Variants in MED13L observed in about 807,000 individuals in gnomAD.
The protein encoded by MED13L is mediator of RNA polymerase II transcription subunit 13-like.
MED13L carries 7 observed loss-of-function variants against 220.9 expected under a neutral mutation model. The ratio of observed to expected loss-of-function variants is 0.03; its 90% CI spans 0.02 to 0.06. The LOEUF (loss-of-function observed/expected upper bound fraction) is 0.06, where lower values mean the gene tolerates loss of function less well. MED13L is among the 10% of genes least tolerant of loss of function. The pLI, the probability that MED13L is intolerant of heterozygous loss-of-function variation, is 1.00. For missense variants in MED13L, 1,965 were observed against 2,760.5 expected (o/e 0.71, Z 6.46); for synonymous variants, 1,011 against 1,015.2 (o/e 1.00, Z 0.08).
chr12:116,213,546 G>T (rs752575005), intron 2 of MED13L, among the ~76,000 whole-genome samples: 3 of 152,066 alleles, frequency 2.0e-5, no homozygotes, highest in Non-Finnish European at 4.4e-5. Flanking sequence ...AAGTAGCTGG[G>T]ATTGCAACAG....
chr12:116,259,069 T>A (rs374380406), intron 1 of MED13L, among the ~76,000 whole-genome samples: 1 of 152,092 alleles, frequency 6.6e-6, no homozygotes, highest in Admixed American at 6.5e-5. Context: ...CCAATTTTAA[T>A]GTATAACTGT....
At chr12:115,986,907 C>T (rs1877727927) in intron 18 of MED13L, among the ~76,000 whole-genome samples, 1 of 152,164 alleles carries the variant, frequency 6.6e-6, no homozygotes, top group Admixed American at 6.5e-5. Context: ...AGCTTCCTCA[C>T]TGACCTGGAT....
At chr12:116,239,857 G>A (rs1313846368) in intron 1 of MED13L, among the ~76,000 whole-genome samples, 1 of 152,138 alleles carries the variant, frequency 6.6e-6, no homozygotes, top group African/African-American at 2.4e-5. Context: ...CATAGTCCTT[G>A]TTCTGCTAGG....
chr12:115,971,327 G>C (rs528049231), intron 26 of MED13L, among the ~76,000 whole-genome samples: 1 of 152,206 alleles, frequency 6.6e-6, no homozygotes, highest in Admixed American at 6.5e-5. Context: ...CGGCAACAGA[G>C]GTAACCTATA....
chr12:116,015,226 T>C lies in MED13L; in HGVS notation c.1058A>G (p.Asp353Gly). The stretch of plus-strand genomic sequence containing the variant: ...ACTGTGCATCGTTATCATCCCTCCA[T>C]CTTGGGAAACCAGGTGACTGGCAGC... ...QSAASHLVSQDGGMITMHSPK... is the reference protein window; with the variant it reads ...QSAASHLVSQGGGMITMHSPK... Residue 353 changes from aspartate (D) to glycine (G), a missense_variant, in exon 8 of 31, where the codon GAT becomes GGT. This residue lies in a region of MED13L where 818 missense variants were observed against 1,041.2 expected (regional missense o/e 0.79). Transcript: ENST00000281928. 1 of 1,613,932 alleles carries C rather than the reference T, an allele frequency of 6.2e-7. No individual in the cohort carries two copies. The highest frequency in any genetic ancestry group is 8.5e-7 in the Non-Finnish European group (1 of 1,179,892).
At chr12:116,230,793 T>C (rs1869485942) in intron 2 of MED13L, among the ~76,000 whole-genome samples, 1 of 152,222 alleles carries the variant, frequency 6.6e-6, no homozygotes, top group Admixed American at 6.5e-5. Context: ...AATAAATTCA[T>C]GTATAATACC....
chr12:116,227,622 T>C (rs1245581746), intron 2 of MED13L, among the ~76,000 whole-genome samples: 1 of 152,192 alleles, frequency 6.6e-6, no homozygotes, highest in Non-Finnish European at 1.5e-5. Flanking sequence ...CACACCCATA[T>C]AAAACAGCAG....
At chr12:116,254,293 C>A (rs1871843217) in intron 1 of MED13L, among the ~76,000 whole-genome samples, 1 of 151,932 alleles carries the variant, frequency 6.6e-6, no homozygotes, top group South Asian at 2.1e-4. Context: ...GATATAAACC[C>A]ATCTATAATT....
At chr12:116,189,805 G>T (rs1366198353) in intron 2 of MED13L, among the ~76,000 whole-genome samples, 4 of 152,108 alleles carry the variant, frequency 2.6e-5, no homozygotes, top group African/African-American at 9.7e-5. Context: ...ATTATAAATG[G>T]TTCTGTATTT....
intron 5 of MED13L, among the ~76,000 whole-genome samples, chr12:116,021,885 A>G (rs1880082661): frequency 6.6e-6 from 1 of 152,208 alleles, no homozygotes. Context: ...TAGGTGGTAA[A>G]GCTGAGAATT....
At chr12:116,081,086 G>A (rs946710503) in intron 4 of MED13L, among the ~76,000 whole-genome samples, 6 of 152,176 alleles carry the variant, frequency 3.9e-5, no homozygotes, top group African/African-American at 1.2e-4. Flanking sequence ...GTGGATAGTA[G>A]AAACAGTTTC....
chr12:115,989,362 C>T (rs552568818), intron 17 of MED13L, among the ~76,000 whole-genome samples: 6 of 152,156 alleles, frequency 3.9e-5, no homozygotes, highest in Non-Finnish European at 7.4e-5. Flanking sequence ...ACTGGCTACC[C>T]CTGGCTTCCA....
intron 13 of MED13L, among the ~76,000 whole-genome samples, chr12:116,003,472 A>G (rs1435243773): frequency 6.6e-6 from 1 of 151,188 alleles, no homozygotes; most frequent in East Asian, 1.9e-4. Flanking sequence ...AGCAGCTAAA[A>G]GGCATAATCT....
At chr12:116,001,408 G>T (rs1878734375) in intron 14 of MED13L, among the ~76,000 whole-genome samples, 2 of 152,170 alleles carry the variant, frequency 1.3e-5, no homozygotes, top group South Asian at 4.1e-4. Context: ...CGTTGGCCAG[G>T]TTGGTCTCCA....
intron 2 of MED13L, among the ~76,000 whole-genome samples, chr12:116,115,676 AC>A (rs1874449177): frequency 6.6e-6 from 1 of 152,162 alleles, no homozygotes; most frequent in African/African-American, 2.4e-5. Flanking sequence ...CCAAAAAAAA[AC>A]AATTTTTTAA....
chr12:115,980,827 G>A lies in MED13L; in HGVS notation c.5287C>T (p.Pro1763Ser), dbSNP rs2137264495. Residue 1763 changes from proline to serine, a missense_variant, in exon 23 of 31, where the codon CCT becomes TCT. Transcript: ENST00000281928. ...SVYCQCRRPL[P>S]TQIHIKSLTG... Reference sequence around the variant, plus strand: ...AGGGATTTAATGTGGATCTGTGTAGGCAGTGGTCGCCTGCACTGGCAGTAC... The same window carrying A: ...AGGGATTTAATGTGGATCTGTGTAGACAGTGGTCGCCTGCACTGGCAGTAC... 1 of 1,590,256 alleles carries A rather than the reference G, an allele frequency of 6.3e-7. No homozygotes were observed. The highest frequency in any genetic ancestry group is 8.6e-7 in the Non-Finnish European group (1 of 1,168,548).
intron 28 of MED13L, among the ~76,000 whole-genome samples, chr12:115,968,066 C>G (rs941729536): frequency 1.5e-5 from 2 of 131,320 alleles, no homozygotes; most frequent in East Asian, 5.1e-4. Context: ...CCCCCCCCCC[C>G]CGATGAAAAC....
intron 2 of MED13L, among the ~76,000 whole-genome samples, chr12:116,196,968 G>C (rs1395894817): frequency 6.6e-6 from 1 of 152,108 alleles, no homozygotes; most frequent in Non-Finnish European, 1.5e-5. Context: ...ATATCAATGG[G>C]AATCTTTCAA....
intron 2 of MED13L, among the ~76,000 whole-genome samples, chr12:116,152,587 T>G (rs535581770): frequency 3.3e-5 from 5 of 152,066 alleles, no homozygotes; most frequent in Non-Finnish European, 5.9e-5. Context: ...AGGTAAAGAT[T>G]TGGAATCACA....
Sources: gnomAD v4.1 joint callset for allele counts (sites outside exome capture counted in the v4.1 genomes callset) on GRCh38, gnomAD v4.1.1 for gene constraint, gnomAD v4.1.1 regional missense constraint, MANE v1.5 for transcripts, NCBI Gene and HGNC (gene_info 2026-07-23, HGNC 2026-07-21) for gene names.